FER: variants seen among roughly 807,000 people sequenced by gnomAD.
FER encodes the protein tyrosine-protein kinase Fer.
A neutral mutation model predicts 111.0 loss-of-function variants in FER; 63 were observed. That is an observed-to-expected ratio of 0.57 (90% CI 0.46 to 0.70). FER has a LOEUF of 0.70. Among genes scored for constraint, FER ranks in the 30% least tolerant of loss-of-function variants. The pLI, the probability that FER is intolerant of heterozygous loss-of-function variation, is 0.00. For missense variants in FER, 914 were observed against 954.0 expected, an observed-to-expected ratio of 0.96 and a Z score of 0.55; for synonymous variants, 327 against 313.9, an observed-to-expected ratio of 1.04 and a Z score of -0.44.
At chr5:108,799,601 A>C (rs936796356) in intron 3 of FER, among the ~76,000 whole-genome samples, 1 of 152,218 alleles carries the variant, frequency 6.6e-6, no homozygotes, top group African/African-American at 2.4e-5. Flanking sequence ...TAGGACAAAC[A>C]TACATTAAAA....
At chr5:108,802,069 A>G (rs76832782) in intron 3 of FER, among the ~76,000 whole-genome samples, 7,118 of 152,072 alleles carry the variant, frequency 0.047, 235 homozygotes, top group Middle Eastern at 0.099. Flanking sequence ...TATTTCTGGA[A>G]TTTTCCATTT....
At position 108,945,817 on chromosome 5, in the gene FER, A is replaced by T. The variant is rs192934805; in HGVS notation, c.1237-313A>T. Among the ~76,000 whole-genome samples the T allele has an allele frequency of 1.2e-3, 175 of 152,010 alleles. 1 individual carries two copies. Among genetic ancestry groups the T allele is most frequent in the African/African-American group, 4.1e-3 (171 of 41,490 alleles). ...TGTGTTCTTTTTTGCATGTGTTAAT[A>T]CTTGGTTTTCTGTGAATTTCCTTTG... On this transcript the variant is annotated intron_variant, in intron 10 of 19. Transcript: ENST00000281092.
At chr5:108,893,052 G>A (rs1010389710) in intron 9 of FER, among the ~76,000 whole-genome samples, 5 of 152,158 alleles carry the variant, frequency 3.3e-5, no homozygotes, top group African/African-American at 9.7e-5. Flanking sequence ...CCAGTACCAT[G>A]CTGTTTTGGT....
intron 10 of FER, among the ~76,000 whole-genome samples, chr5:108,932,916 G>A (rs1754903242): frequency 6.8e-6 from 1 of 147,920 alleles, no homozygotes; most frequent in Non-Finnish European, 1.5e-5. Flanking sequence ...TAAGTTCCTT[G>A]TAGATTCTGG....
intron 17 of FER, among the ~76,000 whole-genome samples, chr5:109,120,309 T>G (rs900028814): frequency 6.6e-6 from 1 of 152,088 alleles, no homozygotes; most frequent in Admixed American, 6.6e-5. Context: ...TTTAGTTTCA[T>G]TCTTCTGCAC....
chr5:108,764,755 A>G (rs954616571), intron 1 of FER, among the ~76,000 whole-genome samples: 1 of 152,244 alleles, frequency 6.6e-6, no homozygotes, highest in African/African-American at 2.4e-5. Context: ...TTTAAAATAA[A>G]TATTTAGTTT....
chr5:109,160,208 C>T (rs1755848784), intron 17 of FER, among the ~76,000 whole-genome samples: 1 of 152,138 alleles, frequency 6.6e-6, no homozygotes, highest in Non-Finnish European at 1.5e-5. Flanking sequence ...TCTTAGGATT[C>T]AGTCAGATTC....
intron 16 of FER, among the ~76,000 whole-genome samples, chr5:109,085,495 A>C (rs1256808216): frequency 7.1e-6 from 1 of 141,706 alleles, no homozygotes; most frequent in Non-Finnish European, 1.5e-5. Flanking sequence ...TTTTCTGTGT[A>C]CTCATAATTT....
At chr5:109,019,375 A>C (rs943081650) in intron 13 of FER, among the ~76,000 whole-genome samples, 3 of 151,884 alleles carry the variant, frequency 2.0e-5, no homozygotes, top group Non-Finnish European at 2.9e-5. Context: ...GGTCCTTCCT[A>C]GTAACTTTCT....
chr5:108,790,466 GT>G (rs1755242121), intron 2 of FER, among the ~76,000 whole-genome samples: 1 of 152,008 alleles, frequency 6.6e-6, no homozygotes, highest in Non-Finnish European at 1.5e-5. Context: ...GATAAAAGGT[GT>G]TTTTCTTCAT....
intron 17 of FER, among the ~76,000 whole-genome samples, chr5:109,117,092 A>G (rs1298542690): frequency 6.6e-6 from 1 of 152,150 alleles, no homozygotes; most frequent in Non-Finnish European, 1.5e-5. Context: ...TGTTGGCACT[A>G]CTTATTCTTT....
intron 16 of FER, among the ~76,000 whole-genome samples, chr5:109,078,552 A>G (rs1184459363): frequency 1.3e-5 from 2 of 152,194 alleles, no homozygotes; most frequent in Non-Finnish European, 2.9e-5. Flanking sequence ...CTCAAGAAAG[A>G]GGAATATGCC....
At chr5:109,119,547 CA>C (rs932542652) in intron 17 of FER, among the ~76,000 whole-genome samples, 2 of 152,062 alleles carry the variant, frequency 1.3e-5, no homozygotes, top group African/African-American at 4.8e-5. Context: ...GAGCTGAGTT[CA>C]ATTCCTGGAT....
At position 109,150,952 on chromosome 5, in the gene FER, A is replaced by C. The variant is rs187922816; in HGVS notation, c.2049-29795A>C. Among the ~76,000 whole-genome samples, 26 of 152,312 alleles carry C rather than the reference A, an allele frequency of 1.7e-4. 2 individuals are homozygous for C. Among genetic ancestry groups the C allele is most frequent in the Admixed American group, 1.5e-3 (23 of 15,290 alleles). On this transcript the variant is annotated intron_variant, in intron 17 of 19. Coordinates refer to ENST00000281092, the MANE Select transcript of FER (RefSeq NM_005246.4). ...GTTAAGTTAATCAAAGTGGTATTTA[A>C]TACAATTGTATTGGAAATAAGTAAT... is the stretch of plus-strand genomic sequence containing the variant.
chr5:108,834,019 A>T (rs1760339778), intron 4 of FER, among the ~76,000 whole-genome samples: 1 of 152,152 alleles, frequency 6.6e-6, no homozygotes, highest in African/African-American at 2.4e-5. Context: ...TCCAAATACC[A>T]TCTATACCTT....
chr5:109,186,429 G>A (rs1208107392), intron 19 of FER, 107 bp downstream of exon 19: 2 of 1,517,858 alleles, frequency 1.3e-6, no homozygotes, highest in Non-Finnish European at 1.8e-6. Context: ...GTTTGGTTGT[G>A]TTATGAGACC....
rs537822710 is a variant in FER, at chr5:109,139,881, G to T, written c.2048+39362G>T. On this transcript the variant is annotated intron_variant, in intron 17 of 19. Coordinates refer to ENST00000281092, the MANE Select transcript of FER (RefSeq NM_005246.4). ...AGCTGACAGGATCTACACCGTGCTA[G>T]ATGGATTGCAATAAAAAAAAATAGA... 2.0e-5 allele frequency among the ~76,000 whole-genome samples: 3 copies of T among 152,288 alleles called. No homozygotes were observed. In the South Asian group the frequency reaches 6.2e-4, roughly 32 times the overall value.
Position 109,145,970 on chromosome 5 carries a change from T to G in FER, c.2049-34777T>G, listed in dbSNP as rs932835808. Among the ~76,000 whole-genome samples the G allele has an allele frequency of 7.9e-5, 12 of 151,402 alleles. No homozygotes were observed. The Admixed American group carries it at 7.9e-4, about 10-fold the overall frequency. ...CTCCCAGAATTTTGCATGAATAATA[T>G]AGAGATAGAAACTTAGGTGATTTAC... On this transcript the variant is annotated intron_variant, in intron 17 of 19. Coordinates refer to ENST00000281092, the MANE Select transcript of FER (RefSeq NM_005246.4).
chr5:109,187,967 T>C lies in FER; in HGVS notation c.*392T>C, dbSNP rs1158498941. 4.5e-5 allele frequency: 8 copies of C among 179,398 alleles called. No individual in the cohort carries two copies. The highest frequency in any genetic ancestry group is 1.7e-4 in the African/African-American group (7 of 41,810). 11.1% of individuals were successfully genotyped at this position (179,398 alleles called of 1,614,324 possible). A position where few individuals can be genotyped will look rare whatever the true frequency, so the allele number is the denominator to read the frequency against. ...TACTCCGTTGGTGCTATAAACAGCA[T>C]TGGTAATGCCATGTTTGCAGGACAT... On this transcript the variant is annotated 3_prime_UTR_variant, in exon 20 of 20. Transcript: ENST00000281092.
Sources: allele counts gnomAD v4.1 joint callset (sites outside exome capture counted in the v4.1 genomes callset), GRCh38; gene constraint gnomAD v4.1.1; transcripts MANE v1.5; gene names NCBI Gene and HGNC (gene_info 2026-07-23, HGNC 2026-07-21).